The following LYN variants were observed in gnomAD, a reference collection of about 807,000 sequenced individuals.
LYN encodes tyrosine-protein kinase Lyn.
In LYN, 12 loss-of-function variants were observed where a neutral mutation model predicts 65.0. The observed-to-expected ratio is 0.18, with a 90% confidence interval of 0.12 to 0.30. The LOEUF (loss-of-function observed/expected upper bound fraction) is 0.30, where lower values mean the gene tolerates loss of function less well. LYN is among the 10% of genes least tolerant of loss of function. The probability of loss-of-function intolerance (pLI) is 1.00; values close to 1 mark genes in which losing one functional copy is unlikely to be tolerated. For synonymous variants in LYN, 222 were observed against 221.2 expected, an observed-to-expected ratio of 1.00 and a Z score of -0.03; for missense variants, 380 against 623.2, an observed-to-expected ratio of 0.61 and a Z score of 4.16.
intron 10 of LYN, among the ~76,000 whole-genome samples, 184 bp from the exon 11 acceptor site, chr8:55,998,162 T>A (rs925447079): frequency 6.7e-6 from 1 of 150,176 alleles, no homozygotes; most frequent in Non-Finnish European, 1.5e-5. Context: ...TGGCAGAGGG[T>A]GGTCAGTTAT....
chr8:55,898,617 C>T (rs1805182535), intron 1 of LYN, among the ~76,000 whole-genome samples: 2 of 152,164 alleles, frequency 1.3e-5, no homozygotes, highest in East Asian at 3.8e-4. Flanking sequence ...AGATATAATT[C>T]ACATATTGTA....
At chr8:55,974,697 C>T (rs756488014) in intron 10 of LYN, among the ~76,000 whole-genome samples, 1 of 152,192 alleles carries the variant, frequency 6.6e-6, no homozygotes, top group African/African-American at 2.4e-5. Context: ...CTTCTTCTGT[C>T]TCTTTGTCTG....
In LYN at chr8:55,954,835, AAAATAAATAAAT is replaced by A. The variant is rs113354539; in HGVS notation, c.790+879_790+890del. On this transcript the variant is annotated intron_variant, in intron 8 of 12. Transcript: ENST00000519728. ...GGGTGACACAGTGAGACCCTGCCTCAAAATAAATAAATAAATAAATAAATAAATAAATAAATA... is the reference window on the plus strand; with the variant it reads ...GGGTGACACAGTGAGACCCTGCCTCAAAATAAATAAATAAATAAATAAATA... Among the ~76,000 whole-genome samples, 1,039 of 148,766 alleles carry A rather than the reference AAAATAAATAAAT, an allele frequency of 7.0e-3. 17 individuals carry two copies. Among genetic ancestry groups the A allele is most frequent in the African/African-American group, 0.023 (926 of 40,304 alleles).
chr8:55,946,350 C>A, intron 2 of LYN, 98 bp from the exon 3 acceptor site: 1 of 800,386 alleles, frequency 1.2e-6, no homozygotes, highest in East Asian at 2.4e-5. Flanking sequence ...TGAGCCCATC[C>A]TAACATCTGC....
chr8:55,889,341 G>C (rs1246371215), intron 1 of LYN, among the ~76,000 whole-genome samples: 2 of 152,184 alleles, frequency 1.3e-5, no homozygotes, highest in Non-Finnish European at 2.9e-5. Context: ...CCTCCAAGTA[G>C]CTGGGACTAC....
chr8:55,994,144 T>TA (rs1239916134), intron 10 of LYN, among the ~76,000 whole-genome samples: 1 of 151,978 alleles, frequency 6.6e-6, no homozygotes, highest in Non-Finnish European at 1.5e-5. Flanking sequence ...ATTAAGGTTT[T>TA]AAAAAAAATA....
Position 55,969,629 on chromosome 8 carries a change from C to T in LYN, c.974-88C>T, listed in dbSNP as rs181939084. 2.3e-3 allele frequency: 2,236 copies of T among 977,714 alleles called. 25 individuals carry two copies. Among genetic ancestry groups the T allele is most frequent in the South Asian group, 0.019 (1,455 of 77,574 alleles). 60.6% of individuals were successfully genotyped at this position (977,714 alleles called of 1,614,324 possible). A position where few individuals can be genotyped will look rare whatever the true frequency, so the allele number is the denominator to read the frequency against. On this transcript the variant is annotated intron_variant, in intron 9 of 12. Coordinates refer to ENST00000519728, the MANE Select transcript of LYN (RefSeq NM_002350.4). ...AAGCCAATCATTTTGTGGGGAGTTCCCCTGTAATAGTAATGATGATGTGAA... is the reference window on the plus strand; with the variant it reads ...AAGCCAATCATTTTGTGGGGAGTTCTCCTGTAATAGTAATGATGATGTGAA...
intron 1 of LYN, among the ~76,000 whole-genome samples, chr8:55,929,350 T>C (rs1360119151): frequency 6.6e-6 from 1 of 152,240 alleles, no homozygotes; most frequent in Non-Finnish European, 1.5e-5. Context: ...GGGATGATGC[T>C]TTTCTCATAG....
At chr8:55,888,912 G>A (rs1317823515) in intron 1 of LYN, among the ~76,000 whole-genome samples, 4 of 152,148 alleles carry the variant, frequency 2.6e-5, no homozygotes, top group Non-Finnish European at 5.9e-5. Context: ...CACCATAGCA[G>A]TTGATTTTTG....
intron 1 of LYN, among the ~76,000 whole-genome samples, chr8:55,920,321 A>T (rs1341215664): frequency 2.6e-5 from 4 of 152,190 alleles, no homozygotes; most frequent in Non-Finnish European, 4.4e-5. Context: ...ATTCCCATTC[A>T]TAAAGCCTCT....
rs1271500157 is a variant in LYN, at chr8:55,940,873, C to T, written c.-5-982C>T. Among the ~76,000 whole-genome samples the T allele has an allele frequency of 6.4e-4, 98 of 152,284 alleles. 2 individuals are homozygous for T. The highest frequency in any genetic ancestry group is 2.5e-4 in the Non-Finnish European group (17 of 68,032). On this transcript the variant is annotated intron_variant, in intron 1 of 12. Coordinates refer to ENST00000519728, the MANE Select transcript of LYN (RefSeq NM_002350.4). ...TTCTGCCCTGGTCAGGCACCAGCCC[C>T]CTTCTTGCCATGGTGGCTTTCCTCC...
In LYN at chr8:55,971,357, G is replaced by A. The variant is rs4130542; in HGVS notation, c.1050+1564G>A. Among the ~76,000 whole-genome samples the A allele has an allele frequency of 2.8e-3, 431 of 152,338 alleles. 2 individuals carry two copies. Among genetic ancestry groups the A allele is most frequent in the African/African-American group, 1.0e-2 (415 of 41,568 alleles). On this transcript the variant is annotated intron_variant, in intron 10 of 12. Transcript: ENST00000519728. ...GGGGTTGGGCACAGCTCTAGAACCC[G>A]TGTAGAAAACAGATCAGGAAATGGA... is the stretch of plus-strand genomic sequence containing the variant.
intron 1 of LYN, among the ~76,000 whole-genome samples, chr8:55,931,923 G>A (rs1057495859): frequency 6.6e-5 from 10 of 152,076 alleles, no homozygotes; most frequent in African/African-American, 1.7e-4. Context: ...TATCAACATT[G>A]TTTCTGCAAT....
At chr8:55,911,190 C>CGTGTATATAT (rs1554576221) in intron 1 of LYN, among the ~76,000 whole-genome samples, 1 of 11,578 alleles carries the variant, frequency 8.6e-5, no homozygotes, top group Non-Finnish European at 2.4e-4. Flanking sequence ...TATATATATA[C>CGTGTATATAT]ACACACACAT....
At chr8:55,966,642 A>G in intron 8 of LYN, 73 bp from the exon 9 acceptor site, 1 of 1,376,144 alleles carries the variant, frequency 7.3e-7, no homozygotes, top group Non-Finnish European at 1.0e-6. Flanking sequence ...TGCTGGGATT[A>G]TAGGTGTGAG....
chr8:55,908,994 TATATATATATATATATACACACACACAC>T (rs1282921962), intron 1 of LYN, among the ~76,000 whole-genome samples: 3 of 19,856 alleles, frequency 1.5e-4, no homozygotes, highest in African/African-American at 6.2e-4. Flanking sequence ...TGTATGTATA[TATATATATATATATATACACACACACAC>T]ACACACACAC....
chr8:55,962,481 A>G (rs951717740), intron 8 of LYN, among the ~76,000 whole-genome samples: 1 of 151,242 alleles, frequency 6.6e-6, no homozygotes, highest in Non-Finnish European at 1.5e-5. Context: ...TGTGAGATGC[A>G]CTCGTGCTTC....
intron 1 of LYN, among the ~76,000 whole-genome samples, chr8:55,885,649 C>A (rs1358390823): frequency 6.6e-6 from 1 of 152,204 alleles, no homozygotes; most frequent in African/African-American, 2.4e-5. Context: ...CCCACTCTTC[C>A]TGTAAATGTT....
intron 1 of LYN, among the ~76,000 whole-genome samples, chr8:55,938,439 G>A (rs1188522295): frequency 6.6e-6 from 1 of 152,150 alleles, no homozygotes; most frequent in Admixed American, 6.5e-5. Flanking sequence ...AAGCAAACTT[G>A]GAATTCCTGT....
Sources: gnomAD v4.1 joint callset for allele counts (sites outside exome capture counted in the v4.1 genomes callset) on GRCh38, gnomAD v4.1.1 for gene constraint, MANE v1.5 for transcripts, NCBI Gene and HGNC (gene_info 2026-07-23, HGNC 2026-07-21) for gene names.